SPATA16: variants seen among roughly 807,000 people sequenced by gnomAD.
SPATA16 encodes the protein spermatogenesis-associated protein 16.
In SPATA16, 36 loss-of-function variants were observed where a neutral mutation model predicts 63.3. That is an observed-to-expected ratio of 0.57 (90% CI 0.44 to 0.75). The LOEUF (loss-of-function observed/expected upper bound fraction) is 0.75. Among genes scored for constraint, SPATA16 ranks in the 30% least tolerant of loss-of-function variants. The pLI is 0.00. For synonymous variants in SPATA16, 203 were observed against 216.7 expected (o/e 0.94, Z 0.56); for missense variants, 646 against 679.3 (o/e 0.95, Z 0.54).
chr3:172,922,920 TCAAAAAA>T (rs145285802), intron 8 of SPATA16, among the ~76,000 whole-genome samples: 8,591 of 151,484 alleles, frequency 0.057, 305 homozygotes, highest in South Asian at 0.12. Context: ...AGACTCTGCC[TCAAAAAA>T]CAAAAAACAA....
At chr3:172,920,862 G>T (rs968464169) in intron 8 of SPATA16, among the ~76,000 whole-genome samples, 1 of 152,078 alleles carries the variant, frequency 6.6e-6, no homozygotes, top group African/African-American at 2.4e-5. Flanking sequence ...TCTGGTCATG[G>T]TATTATGTCA....
chr3:172,958,643 T>A (rs1733662382), intron 5 of SPATA16, among the ~76,000 whole-genome samples: 1 of 152,168 alleles, frequency 6.6e-6, no homozygotes, highest in Non-Finnish European at 1.5e-5. Context: ...AACAGAAATT[T>A]ATTTTCTCAC....
chr3:172,895,528 G>C (rs868631467), intron 10 of SPATA16, among the ~76,000 whole-genome samples: 9 of 152,006 alleles, frequency 5.9e-5, no homozygotes, highest in Non-Finnish European at 5.9e-5. Context: ...TAGAGACAGG[G>C]TTTCACCATT....
chr3:173,004,481 G>C (rs1399096407), intron 4 of SPATA16, among the ~76,000 whole-genome samples: 1 of 150,046 alleles, frequency 6.7e-6, no homozygotes, highest in African/African-American at 2.5e-5. Flanking sequence ...ACTCTTGCTT[G>C]CCCCTCTCAA....
At chr3:173,090,250 CA>C (rs1737190590) in intron 2 of SPATA16, among the ~76,000 whole-genome samples, 1 of 152,044 alleles carries the variant, frequency 6.6e-6, no homozygotes, top group South Asian at 2.1e-4. Flanking sequence ...AAGTGTGTAG[CA>C]CCTCCCTCAC....
intron 6 of SPATA16, among the ~76,000 whole-genome samples, chr3:172,934,718 A>G (rs1732941734): frequency 6.6e-6 from 1 of 152,172 alleles, no homozygotes; most frequent in Admixed American, 6.5e-5. Context: ...CTTATCAGAA[A>G]TTTCCTGTAG....
intron 2 of SPATA16, among the ~76,000 whole-genome samples, chr3:173,101,680 C>A (rs1197890727): frequency 6.6e-6 from 1 of 152,146 alleles, no homozygotes; most frequent in South Asian, 2.1e-4. Flanking sequence ...TGGCCTTTCA[C>A]ATTTTTATCT....
At chr3:173,078,632 AATG>A (rs1488167176) in intron 2 of SPATA16, among the ~76,000 whole-genome samples, 1 of 152,176 alleles carries the variant, frequency 6.6e-6, no homozygotes, top group Non-Finnish European at 1.5e-5. Flanking sequence ...AGAAAGGAGA[AATG>A]ATATCAAGTT....
chr3:173,074,582 C>T (rs1451408565), intron 2 of SPATA16, among the ~76,000 whole-genome samples: 4 of 152,142 alleles, frequency 2.6e-5, no homozygotes, highest in Non-Finnish European at 4.4e-5. Context: ...GACCCCTGTC[C>T]CCAAGCCACA....
At chr3:173,046,929 C>T (rs958932677) in intron 3 of SPATA16, among the ~76,000 whole-genome samples, 1 of 151,900 alleles carries the variant, frequency 6.6e-6, no homozygotes, top group African/African-American at 2.4e-5. Flanking sequence ...ATTTACATTT[C>T]TTACTTAATG....
chr3:173,072,175 A>G (rs13071442), intron 2 of SPATA16, among the ~76,000 whole-genome samples: 23,790 of 152,202 alleles, frequency 0.16, 2,064 homozygotes, highest in South Asian at 0.29. Context: ...GGTGCCCATA[A>G]ACAGAGGATT....
intron 2 of SPATA16, among the ~76,000 whole-genome samples, chr3:173,104,236 C>T (rs1737568268): frequency 1.3e-5 from 2 of 152,176 alleles, no homozygotes; most frequent in South Asian, 2.1e-4. Flanking sequence ...CCCTCATCTT[C>T]CTTTCTTCTT....
chr3:172,929,331 T>C (rs752526379), intron 6 of SPATA16, among the ~76,000 whole-genome samples: 30 of 152,214 alleles, frequency 2.0e-4, no homozygotes, highest in South Asian at 4.1e-4. Context: ...TTATGCAGAT[T>C]AAATTTCTCA....
chr3:172,916,257 C>T (rs1355429902), intron 9 of SPATA16, 60 bp downstream of exon 9: 24 of 1,547,192 alleles, frequency 1.6e-5, no homozygotes, highest in Non-Finnish European at 2.0e-5. Flanking sequence ...TTCCCCAGAC[C>T]ATATCACTTT....
intron 10 of SPATA16, among the ~76,000 whole-genome samples, chr3:172,892,708 T>C (rs984585220): frequency 1.3e-5 from 2 of 152,200 alleles, no homozygotes; most frequent in African/African-American, 4.8e-5. Context: ...TAGAAATTTC[T>C]GTAAAGCCCT....
chr3:173,065,628 C>T (rs866738228), intron 2 of SPATA16, among the ~76,000 whole-genome samples: 3 of 152,196 alleles, frequency 2.0e-5, no homozygotes, highest in Non-Finnish European at 4.4e-5. Context: ...GAAAGTCTTG[C>T]ATTGCCTACA....
At chr3:173,045,324 G>T (rs1285959139) in intron 3 of SPATA16, among the ~76,000 whole-genome samples, 1 of 152,098 alleles carries the variant, frequency 6.6e-6, no homozygotes, top group Non-Finnish European at 1.5e-5. Context: ...AAGCTGAGAA[G>T]ATTATGGGGC....
chr3:172,970,951 A>C (rs1224553057), intron 5 of SPATA16, among the ~76,000 whole-genome samples: 1 of 152,200 alleles, frequency 6.6e-6, no homozygotes, highest in Non-Finnish European at 1.5e-5. Context: ...ATTTTGCACT[A>C]TCAAGAAGAA....
intron 5 of SPATA16, among the ~76,000 whole-genome samples, chr3:172,970,864 G>A (rs181082551): frequency 7.5e-4 from 114 of 152,200 alleles, no homozygotes; most frequent in African/African-American, 2.6e-3. Flanking sequence ...TACTTTGCCT[G>A]TAATTTCATG....
Sources: allele counts gnomAD v4.1 joint callset (sites outside exome capture counted in the v4.1 genomes callset), GRCh38; gene constraint gnomAD v4.1.1; transcripts MANE v1.5; gene names NCBI Gene and HGNC (gene_info 2026-07-23, HGNC 2026-07-21).